Variants in RGS12 observed in about 807,000 individuals in gnomAD.
RGS12 encodes regulator of G-protein signaling 12.
A neutral mutation model predicts 120.1 loss-of-function variants in RGS12; 66 were observed. That is an observed-to-expected ratio of 0.55 (90% CI 0.45 to 0.67). The LOEUF is 0.67. Among genes scored for constraint, RGS12 ranks in the 30% least tolerant of loss-of-function variants. The pLI is 0.00. For missense variants in RGS12, 1,859 were observed against 1,957.7 expected (o/e 0.95, Z 0.95); for synonymous variants, 827 against 804.7 (o/e 1.03, Z -0.47).
intron 3 of RGS12, among the ~76,000 whole-genome samples, chr4:3,376,497 C>T (rs1176068554): frequency 2.0e-5 from 3 of 152,136 alleles, no homozygotes; most frequent in Admixed American, 6.5e-5. Context: ...CTTGCGCTGC[C>T]ACCCTGGGGG....
Position 3,366,542 on chromosome 4 carries a change from G to A in RGS12, c.1999-19874G>A, listed in dbSNP as rs1043777852. Among the ~76,000 whole-genome samples, 6 of 152,318 alleles carry A rather than the reference G, an allele frequency of 3.9e-5. No individual in the cohort carries two copies. Among genetic ancestry groups the A allele is most frequent in the African/African-American group, 1.4e-4 (6 of 41,568 alleles). On this transcript the variant is annotated intron_variant, in intron 3 of 17. Coordinates refer to ENST00000336727, the MANE Select transcript of RGS12 (RefSeq NM_001394154.1). The surrounding 1 kb of genome is among the most constrained non-coding windows in gnomAD (Gnocchi z 4.0). Reference sequence around the variant, plus strand: ...GAGTGAGGTGGTCCGGCCCCGTGAAGGAGGCAGCAGGGCTTGCGGCCGGGA... The same window carrying A: ...GAGTGAGGTGGTCCGGCCCCGTGAAAGAGGCAGCAGGGCTTGCGGCCGGGA...
chr4:3,419,633 A>C (rs1722784389), intron 9 of RGS12: 2 of 152,130 alleles, frequency 1.3e-5, no homozygotes, highest in Non-Finnish European at 2.9e-5. Context: ...CCTGGGCAAC[A>C]CAGCAAGACA....
intron 4 of RGS12, chr4:3,413,746 G>T: frequency 3.7e-6 from 1 of 271,758 alleles, no homozygotes. Context: ...GTAGTTTGTT[G>T]TTGCTTGGGC....
chr4:3,310,034 A>G (rs1228253731), intron 1 of RGS12, among the ~76,000 whole-genome samples: 1 of 104,700 alleles, frequency 9.6e-6, no homozygotes, highest in African/African-American at 3.7e-5. Flanking sequence ...GGGACCCGGG[A>G]AATGGCAGGT....
chr4:3,306,108 A>C (rs1203957638), intron 1 of RGS12, among the ~76,000 whole-genome samples: 2 of 152,218 alleles, frequency 1.3e-5, no homozygotes, highest in African/African-American at 2.4e-5. Flanking sequence ...AATGCCCATA[A>C]GCTTCTCAGG....
At chr4:3,302,365 G>A (rs902212655) in intron 1 of RGS12, among the ~76,000 whole-genome samples, 2 of 147,476 alleles carry the variant, frequency 1.4e-5, no homozygotes, top group Admixed American at 6.8e-5. Flanking sequence ...TTGGGCCCTG[G>A]CCGTTGTGGT....
intron 12 of RGS12, 110 bp from the exon 13 acceptor site, chr4:3,423,405 C>A: frequency 7.0e-7 from 1 of 1,425,046 alleles, no homozygotes; most frequent in Non-Finnish European, 9.7e-7. Context: ...CTGGGGGGCA[C>A]ACCGAGGCCT....
chr4:3,307,283 G>A (rs1368763459), intron 1 of RGS12, among the ~76,000 whole-genome samples: 3 of 152,226 alleles, frequency 2.0e-5, no homozygotes, highest in African/African-American at 7.2e-5. Flanking sequence ...TTGGACATGA[G>A]CCCGCGCACC....
intron 17 of RGS12, among the ~76,000 whole-genome samples, chr4:3,437,369 G>A (rs972828392): frequency 6.6e-6 from 1 of 152,168 alleles, no homozygotes; most frequent in African/African-American, 2.4e-5. Flanking sequence ...TGGGGCTGGC[G>A]GGGTAGAGCC....
intron 1 of RGS12, among the ~76,000 whole-genome samples, chr4:3,308,573 G>T (rs1724105411): frequency 6.6e-6 from 1 of 152,236 alleles, no homozygotes; most frequent in Non-Finnish European, 1.5e-5. Context: ...GCAGCCCTGT[G>T]ATGGTCTCCC....
chr4:3,330,246 A>G (rs373996873), intron 2 of RGS12, among the ~76,000 whole-genome samples: 8 of 152,218 alleles, frequency 5.3e-5, no homozygotes, highest in African/African-American at 1.9e-4. Flanking sequence ...AAGTTTATTT[A>G]CTGTGAGCAA....
rs746970248 is a variant in RGS12, at chr4:3,437,037, G to A, written c.4115-2418G>A. ...CTGGAGGTGGTGCAGGCTCTGCTGG[G>A]TCCTCTGTGTTGCCATCCCTGCCAG... On this transcript the variant is annotated intron_variant, in intron 17 of 17. Coordinates refer to ENST00000336727, the MANE Select transcript of RGS12 (RefSeq NM_001394154.1). Among the ~76,000 whole-genome samples the A allele has an allele frequency of 7.2e-5, 11 of 152,220 alleles. 1 individual carries two copies. The highest frequency in any genetic ancestry group is 2.0e-4 in the Admixed American group (3 of 15,292).
At chr4:3,291,972 C>T (rs1480711352), upstream of RGS12, among the ~76,000 whole-genome samples, 1 of 152,188 alleles carries the variant, frequency 6.6e-6, no homozygotes, top group Non-Finnish European at 1.5e-5. Flanking sequence ...TGGAGAGCTG[C>T]CAAGAAACCA....
Position 3,422,917 on chromosome 4 carries a change from C to T in RGS12, c.3046C>T (p.His1016Tyr). The change falls in exon 12 of 18, where the codon CAC (histidine) becomes TAC (tyrosine). Residue 1016 changes from histidine to tyrosine, a missense_variant. His to Tyr is a moderately conservative substitution (Grantham distance 83). Around this residue, in one of 3 missense-constraint regions of RGS12, gnomAD observed 375 missense variants for 475.0 expected, o/e 0.79. Coordinates refer to ENST00000336727, the MANE Select transcript of RGS12 (RefSeq NM_001394154.1). ...CTCTGTTCCTCAGCCTCTGGTGCTG[C>T]ACCAAGACAGTAGCATCTTGGAGTC... ...LVGGDKPLVL[H>Y]QDSSILESRD... 1 of 1,613,264 alleles carries T rather than the reference C, an allele frequency of 6.2e-7. No individual in the cohort carries two copies. The highest frequency in any genetic ancestry group is 8.5e-7 in the Non-Finnish European group (1 of 1,179,908).
upstream of RGS12, among the ~76,000 whole-genome samples, chr4:3,292,489 C>A (rs972069942): frequency 2.0e-5 from 3 of 152,220 alleles, no homozygotes; most frequent in Admixed American, 2.0e-4. Context: ...CAGCTCCGGG[C>A]ATCTGCCCAG....
intron 2 of RGS12, among the ~76,000 whole-genome samples, chr4:3,319,400 T>A (rs560874486): frequency 5.3e-4 from 81 of 151,994 alleles, no homozygotes; most frequent in Middle Eastern, 3.4e-3. Flanking sequence ...TTTTTTTTTT[T>A]AAAACACTTG....
rs1335807623 is a variant in RGS12 at position 3,433,964 on chromosome 4, C to T, written c.4114+3009C>T. 3.9e-5 allele frequency among the ~76,000 whole-genome samples: 6 copies of T among 152,220 alleles called. No homozygotes were observed. Among genetic ancestry groups the T allele is most frequent in the Non-Finnish European group, 7.3e-5 (5 of 68,038 alleles). ...TGACACACACAACAGAGGCCTCAAG[C>T]GGGAGAAGTGTCAGGCCCCTCGTGA... is the stretch of plus-strand genomic sequence containing the variant. On this transcript the variant is annotated intron_variant, in intron 17 of 17. Coordinates refer to ENST00000336727, the MANE Select transcript of RGS12 (RefSeq NM_001394154.1). This position sits in a 1 kb window ranked among gnomAD's most constrained non-coding sequence, Gnocchi z 4.4.
At chr4:3,340,274 C>T (rs1172932388) in intron 2 of RGS12, among the ~76,000 whole-genome samples, 4 of 152,224 alleles carry the variant, frequency 2.6e-5, no homozygotes, top group Admixed American at 6.5e-5. Context: ...TCAGACGAAG[C>T]GAAGGGCGCT....
chr4:3,415,925 G>C lies in RGS12; in HGVS notation c.2284-53G>C, dbSNP rs980155766. On this transcript the variant is annotated intron_variant, in intron 6 of 17. Coordinates refer to ENST00000336727, the MANE Select transcript of RGS12 (RefSeq NM_001394154.1). ...GGGTGTCGGGCCTTGGCAGGCAGCAGGAGTGCGGGGAGAGGAAGCCTTGCC... is the reference window on the plus strand; with the variant it reads ...GGGTGTCGGGCCTTGGCAGGCAGCACGAGTGCGGGGAGAGGAAGCCTTGCC... The C allele has an allele frequency of 1.7e-5, 26 of 1,557,594 alleles. No individual in the cohort carries two copies. In the East Asian group the frequency reaches 5.6e-4, roughly 34 times the overall value.
Sources: gnomAD v4.1 joint callset for allele counts (sites outside exome capture counted in the v4.1 genomes callset) on GRCh38, gnomAD v4.1.1 for gene constraint, gnomAD v4.1.1 regional missense constraint, Gnocchi (gnomAD v3.1) non-coding constraint, MANE v1.5 for transcripts, NCBI Gene and HGNC (gene_info 2026-07-23, HGNC 2026-07-21) for gene names.